GAA: variants seen among roughly 807,000 people sequenced by gnomAD.
The protein encoded by GAA is lysosomal alpha-glucosidase.
GAA carries 88 observed loss-of-function variants against 103.9 expected under a neutral mutation model. The observed-to-expected ratio is 0.85, with a 90% CI of 0.71 to 1.01. GAA has a LOEUF of 1.01. Ranked by LOEUF, GAA falls within the 50% of genes least tolerant of loss-of-function variation. The pLI is 0.00. For missense variants in GAA, 1,350 were observed against 1,305.3 expected (o/e 1.03, Z -0.53); for synonymous variants, 572 against 563.1 (o/e 1.02, Z -0.22).
Position 80,104,892 on chromosome 17 carries a change from G to A in GAA, c.306G>A (p.Gln102=). 6.2e-7 allele frequency: 1 copy of A among 1,612,828 alleles called. No homozygotes were observed. The highest frequency in any genetic ancestry group is 8.5e-7 in the Non-Finnish European group (1 of 1,179,908). The part of the protein sequence containing the change: ...CAPDKAITQE[Q]CEARGCCYIP... The stretch of plus-strand genomic sequence containing the variant: ...CTGACAAGGCCATCACCCAGGAACA[G>A]TGCGAGGCCCGCGGCTGTTGCTACA... The change falls in exon 2 of 20, where the codon CAG becomes CAA. Residue 102 remains glutamine (Q), a synonymous_variant. Transcript: ENST00000302262. This position sits in a 1 kb window ranked among gnomAD's most constrained non-coding sequence, Gnocchi z 4.0.
In GAA at chr17:80,117,634, C is replaced by G. The variant is rs773629231; in HGVS notation, c.2366C>G (p.Pro789Arg). 8.1e-6 allele frequency: 13 copies of G among 1,612,876 alleles called. No individual in the cohort carries two copies. The highest frequency in any genetic ancestry group is 1.1e-5 in the Non-Finnish European group (13 of 1,179,944). Residue 789 changes from proline (P) to arginine (R), a missense_variant, in exon 17 of 20, where the codon CCA becomes CGA. By Grantham distance (103) the Pro-to-Arg change is moderately radical (BLOSUM62 -2). Transcript: ENST00000302262. ...PVEALGSLPPPPAAPREPAIH... is the reference protein window; with the variant it reads ...PVEALGSLPPRPAAPREPAIH... ...GAGGCCCTTGGCAGCCTCCCACCCC[C>G]ACCTGCAGCTCCCCGTGAGCCAGCC...
rs148842275 is a variant in GAA, at chr17:80,110,767, C to T, written c.1478C>T (p.Pro493Leu). The T allele has an allele frequency of 1.2e-5, 20 of 1,614,030 alleles. No homozygotes were observed. Among genetic ancestry groups the T allele is most frequent in the Non-Finnish European group, 1.7e-5 (20 of 1,180,038 alleles). Reference sequence around the variant, plus strand: ...ACTGCCTTCCCCGACTTCACCAACCCCACAGCCCTGGCCTGGTGGGAGGAC... The same window carrying T: ...ACTGCCTTCCCCGACTTCACCAACCTCACAGCCCTGGCCTGGTGGGAGGAC... Reference protein sequence around the residue: ...GSTAFPDFTNPTALAWWEDMV... With the variant: ...GSTAFPDFTNLTALAWWEDMV... Residue 493 changes from proline (P) to leucine (L), a missense_variant, in exon 10 of 20, where the codon CCC (proline) becomes CTC (leucine). Coordinates refer to ENST00000302262, the MANE Select transcript of GAA (RefSeq NM_000152.5).
intron 11 of GAA, 150 bp from the exon 12 acceptor site, chr17:80,111,833 A>T: frequency 1.5e-6 from 1 of 647,662 alleles, no homozygotes; most frequent in South Asian, 1.8e-5. Context: ...AGCCCCACAG[A>T]GGCGTGGGGA....
intron 1 of GAA, among the ~76,000 whole-genome samples, chr17:80,103,575 C>T (rs1009070976): frequency 2.6e-5 from 4 of 152,116 alleles, no homozygotes; most frequent in East Asian, 1.9e-4. Context: ...TACAGAGAAG[C>T]GAAACAAAGG....
At chr17:80,109,883 T>TC (rs2039188264) in intron 8 of GAA, 62 bp from the exon 9 acceptor site, 4 of 1,225,192 alleles carry the variant, frequency 3.3e-6, no homozygotes, top group Non-Finnish European at 4.8e-6. Context: ...GTCTCAGTTT[T>TC]CCCCGTGGCT....
rs536292035 is a variant in GAA, at chr17:80,114,556, G to T, written c.2189+1190G>T. Among the ~76,000 whole-genome samples the T allele has an allele frequency of 1.6e-4, 24 of 151,666 alleles. No homozygotes were observed. In the South Asian group the frequency reaches 2.7e-3, roughly 17 times the overall value. ...TTCTATGTGGTTTCCATTGCCTCTC[G>T]TTCCTCTGTGCTGTTACACGTCTGT... On this transcript the variant is annotated intron_variant, in intron 15 of 19. Coordinates refer to ENST00000302262, the MANE Select transcript of GAA (RefSeq NM_000152.5).
rs775065551 is a variant in GAA at position 80,105,816 on chromosome 17, C to T, written c.614C>T (p.Pro205Leu). ...LETPHVHSRA[P>L]SPLYSVEFSE... is the part of the protein sequence containing the mutation. ...ACCCCGCATGTCCACAGCCGGGCAC[C>T]GTCCCCACTCTACAGCGTGGAGTTC... The change falls in exon 3 of 20, where the codon CCG (proline) becomes CTG (leucine). Residue 205 changes from proline to leucine, a missense_variant. Pro to Leu is a moderately conservative substitution (Grantham distance 98). Coordinates refer to ENST00000302262, the MANE Select transcript of GAA (RefSeq NM_000152.5). The T allele has an allele frequency of 2.9e-5, 47 of 1,610,530 alleles. No individual in the cohort carries two copies. The highest frequency in any genetic ancestry group is 1.7e-4 in the Middle Eastern group (1 of 6,048).
At position 80,111,371 on chromosome 17, in the gene GAA, G is replaced by A. The variant is rs190688610; in HGVS notation, c.1636+346G>A. Among the ~76,000 whole-genome samples, 6 of 152,308 alleles carry A rather than the reference G, an allele frequency of 3.9e-5. No homozygotes were observed. The East Asian group carries it at 7.7e-4, about 20-fold the overall frequency. On this transcript the variant is annotated intron_variant, in intron 11 of 19. Transcript: ENST00000302262. Reference sequence around the variant, plus strand: ...GTCAGGCCCAACTCGAATGCAGCACGGGCAAGTGGATTTCTAGCCAGGGAG... The same window carrying A: ...GTCAGGCCCAACTCGAATGCAGCACAGGCAAGTGGATTTCTAGCCAGGGAG...
chr17:80,118,955 C>A lies in GAA; in HGVS notation c.2799+150C>A, dbSNP rs2039422827. 8 of 1,001,600 alleles carry A rather than the reference C, an allele frequency of 8.0e-6. No homozygotes were observed. In the South Asian group the frequency reaches 8.4e-5, roughly 11 times the overall value. 62.0% of individuals were successfully genotyped at this position (1,001,600 alleles called of 1,614,324 possible). ...TTGGGGAGGAGTGGGAAGGGTCAGGCCACACAGGCTGTGCCTTTCCTCCTC... is the reference window on the plus strand; with the variant it reads ...TTGGGGAGGAGTGGGAAGGGTCAGGACACACAGGCTGTGCCTTTCCTCCTC... On this transcript the variant is annotated intron_variant, in intron 19 of 19. Transcript: ENST00000302262.
Position 80,108,762 on chromosome 17 carries a change from C to G in GAA, c.1260C>G (p.Gly420=). 2 of 1,610,698 alleles carry G rather than the reference C, an allele frequency of 1.2e-6. No individual in the cohort carries two copies. Among genetic ancestry groups the G allele is most frequent in the Non-Finnish European group, 1.7e-6 (2 of 1,178,978 alleles). Residue 420 remains glycine (G), a synonymous_variant, in exon 8 of 20, where the codon GGC becomes GGG. Transcript: ENST00000302262. ...GGGACTTCACGTTCAACAAGGATGG[C>G]TTCCGGGACTTCCCGGCCATGGTGC... ...SRRDFTFNKD[G]FRDFPAMVQE... is the part of the protein sequence containing the mutation.
chr17:80,118,752 G>A lies in GAA; in HGVS notation c.2746G>A (p.Val916Ile). 1.2e-6 allele frequency: 2 copies of A among 1,613,522 alleles called. No homozygotes were observed. The highest frequency in any genetic ancestry group is 1.1e-5 in the South Asian group (1 of 91,086). Residue 916 changes from valine (V) to isoleucine (I), a missense_variant, in exon 19 of 20, where the codon GTC becomes ATC. Transcript: ENST00000302262. ...GGGCGTGGCCACGGCGCCCCAGCAG[G>A]TCCTCTCCAACGGTGTCCCTGTCTC... ...VLGVATAPQQ[V>I]LSNGVPVSNF...
At chr17:80,103,485 T>C (rs1335627393) in intron 1 of GAA, among the ~76,000 whole-genome samples, 2 of 152,278 alleles carry the variant, frequency 1.3e-5, no homozygotes, top group Non-Finnish European at 2.9e-5. Context: ...TTGAAATCCA[T>C]GCATATTGAA....
At chr17:80,105,727 A>G (rs1401706664) in intron 2 of GAA, 22 bp from the exon 3 acceptor site, 3 of 1,611,144 alleles carry the variant, frequency 1.9e-6, no homozygotes, top group Non-Finnish European at 2.5e-6. Context: ...GGGGAACATC[A>G]ATAAACCCCC....
At chr17:80,114,507 T>A (rs2039320550) in intron 15 of GAA, among the ~76,000 whole-genome samples, 1 of 152,140 alleles carries the variant, frequency 6.6e-6, no homozygotes, top group Admixed American at 6.5e-5. Context: ...CCAACTTGCT[T>A]TCAATAGCAT....
At position 80,110,052 on chromosome 17, in the gene GAA, G is replaced by A. The variant is rs886043285; in HGVS notation, c.1434G>A (p.Gly478=). ...ACGAGACCGGCCAGCCGCTGATTGGGAAGGTAGGGCGAGGGTCCAGGGGAC... is the reference window on the plus strand; with the variant it reads ...ACGAGACCGGCCAGCCGCTGATTGGAAAGGTAGGGCGAGGGTCCAGGGGAC... ...ITNETGQPLI[G]KVWPGSTAFP... The change falls in exon 9 of 20, where the codon GGG becomes GGA. Residue 478 remains glycine, a synonymous_variant. Transcript: ENST00000302262. 3.7e-6 allele frequency: 6 copies of A among 1,612,938 alleles called. No homozygotes were observed. The highest frequency in any genetic ancestry group is 4.2e-6 in the Non-Finnish European group (5 of 1,179,590).
intron 1 of GAA, chr17:80,102,579 C>T (rs1244292964): frequency 6.6e-6 from 1 of 152,256 alleles, no homozygotes; most frequent in Non-Finnish European, 1.5e-5. Flanking sequence ...GATCAGAGGG[C>T]TTCCCGCCGG....
At chr17:80,117,526 G>A in intron 16 of GAA, 74 bp from the exon 17 acceptor site, 4 of 1,554,628 alleles carry the variant, frequency 2.6e-6, no homozygotes, top group Non-Finnish European at 3.5e-6. Context: ...CCGGGAGATG[G>A]AGAGCGTGGT....
At chr17:80,113,132 A>T in intron 14 of GAA, 86 bp from the exon 15 acceptor site, 1 of 1,537,390 alleles carries the variant, frequency 6.5e-7, no homozygotes, top group Non-Finnish European at 8.8e-7. Context: ...TGGGTGGCTG[A>T]GAAGTGCAGC....
At position 80,118,197 on chromosome 17, in the gene GAA, C is replaced by T. The variant is rs778187006; in HGVS notation, c.2486C>T (p.Pro829Leu). 6.2e-7 allele frequency: 1 copy of T among 1,613,086 alleles called. No individual in the cohort carries two copies. The highest frequency in any genetic ancestry group is 1.7e-5 in the Admixed American group (1 of 59,986). Reference protein sequence around the residue: ...RAGYIIPLQGPGLTTTESRQQ... With the variant: ...RAGYIIPLQGLGLTTTESRQQ... ...CACGTGTCCTTCCCTTTCCAGGGCC[C>T]TGGCCTCACAACCACAGAGTCCCGC... The change falls in exon 18 of 20, where the codon CCT becomes CTT. Residue 829 changes from proline (P) to leucine (L), a missense_variant. Coordinates refer to ENST00000302262, the MANE Select transcript of GAA (RefSeq NM_000152.5).
Sources: gnomAD v4.1 joint callset for allele counts (sites outside exome capture counted in the v4.1 genomes callset) on GRCh38, gnomAD v4.1.1 for gene constraint, Gnocchi (gnomAD v3.1) non-coding constraint, MANE v1.5 for transcripts, NCBI Gene and HGNC (gene_info 2026-07-23, HGNC 2026-07-21) for gene names.